The following ADGRD2 variants were observed in gnomAD, a reference collection of about 807,000 sequenced individuals.
ADGRD2 encodes adhesion G protein-coupled receptor D2, also known as G protein-coupled receptor PGR24.
ADGRD2 carries 71 observed loss-of-function variants against 44.4 expected under a neutral mutation model. That is an observed-to-expected ratio of 1.60 (90% CI 1.32 to 1.95). ADGRD2 has a LOEUF of 1.95. Ranked by LOEUF, ADGRD2 falls within the 30% of genes most tolerant of loss-of-function variation. The probability of loss-of-function intolerance (pLI) is 0.00; values close to 1 mark genes in which losing one functional copy is unlikely to be tolerated. For synonymous variants in ADGRD2, 481 were observed against 224.8 expected, an observed-to-expected ratio of 2.14 and a Z score of -10.19; for missense variants, 1,039 against 512.4, an observed-to-expected ratio of 2.03 and a Z score of -9.92.
At position 124,460,704 on chromosome 9, in the gene ADGRD2, C is replaced by T. The variant is rs567643044; in HGVS notation, c.1870+1983C>T. Among the ~76,000 whole-genome samples, 3 of 152,000 alleles carry T rather than the reference C, an allele frequency of 2.0e-5. No individual in the cohort carries two copies. In the East Asian group the frequency reaches 5.8e-4, roughly 29 times the overall value. On this transcript the variant is annotated intron_variant, in intron 10 of 21. Coordinates refer to ENST00000334810, the Ensembl canonical transcript of ADGRD2. ...TACCATGATTTGTTTTTCCATTTAC[C>T]TGCTGACAGAGATTTGACTTGTTTT...
At chr9:124,459,266 C>T (rs1014979976) in intron 10 of ADGRD2, among the ~76,000 whole-genome samples, 6 of 152,088 alleles carry the variant, frequency 3.9e-5, no homozygotes, top group Non-Finnish European at 8.8e-5. Context: ...CCGAGGCGGG[C>T]GGATCACTTG....
rs991640073 is a variant in ADGRD2, at chr9:124,458,553, T to C, written c.1765-63T>C. 4.3e-6 allele frequency: 3 copies of C among 698,282 alleles called. No homozygotes were observed. In the African/African-American group the frequency reaches 5.3e-5, roughly 12 times the overall value. 43.3% of individuals were successfully genotyped at this position (698,282 alleles called of 1,614,324 possible). A position where few individuals can be genotyped will look rare whatever the true frequency, so the allele number is the denominator to read the frequency against. On this transcript the variant is annotated intron_variant, in intron 9 of 21. Transcript: ENST00000334810. Reference sequence around the variant, plus strand: ...CTCCACCGTAGGGGCCTGGGTGACATGCCGCAGCCAGGCACCATCCCTCCT... The same window carrying C: ...CTCCACCGTAGGGGCCTGGGTGACACGCCGCAGCCAGGCACCATCCCTCCT...
At chr9:124,463,752 C>T (rs1400481319) in intron 10 of ADGRD2, among the ~76,000 whole-genome samples, 1 of 152,182 alleles carries the variant, frequency 6.6e-6, no homozygotes, top group East Asian at 1.9e-4. Context: ...TTCCTTTTCA[C>T]ATCTGTAGAC....
chr9:124,452,017 C>CCCCAGAGGG, upstream of ADGRD2: 2 of 563,666 alleles, frequency 3.5e-6, no homozygotes, highest in Non-Finnish European at 3.4e-6. Flanking sequence ...CACCCACCCC[C>CCCCAGAGGG]AGAGTAGGCA....
intron 6 of ADGRD2, 68 bp downstream of exon 9, chr9:124,455,195 G>A: frequency 1.6e-6 from 1 of 614,228 alleles, no homozygotes; most frequent in Non-Finnish European, 3.0e-6. Flanking sequence ...CCAGCTGGTT[G>A]TGTAGCTGTG....
intron 6 of ADGRD2, 109 bp from the exon 10 acceptor site, chr9:124,456,513 G>A: frequency 1.5e-6 from 1 of 668,148 alleles, no homozygotes; most frequent in Admixed American, 2.1e-5. Context: ...GGAGGGTCTG[G>A]AGAGGGCAGG....
chr9:124,466,437 T>C (rs757809892), intron 11 of ADGRD2, 24 bp downstream of exon 14: 1 of 648,774 alleles, frequency 1.5e-6, no homozygotes, highest in South Asian at 1.7e-5. Context: ...GGGAGGGGGG[T>C]GTCAGGAGGG....
chr9:124,472,454 TTGTTTTTTGTTTGTTTTTTGTTTTTG>T (rs1156736621), intron 17 of ADGRD2, among the ~76,000 whole-genome samples: 4 of 21,412 alleles, frequency 1.9e-4, no homozygotes, highest in African/African-American at 1.2e-3. Context: ...GTTTGTTTGT[TTGTTTTTTGTTTGTTTTTTGTTTTTG>T]TTTTGTTTTT....
rs543894044 is a variant in ADGRD2 at position 124,455,011 on chromosome 9, G to A, written c.1279G>A (p.Gly427Arg). Residue 427 changes from glycine to arginine, a missense_variant, in exon 6 of 22, where the codon GGG becomes AGG. Gly to Arg is a moderately radical substitution (Grantham distance 125, BLOSUM62 -2). Transcript: ENST00000334810. ...GAAGAGGGTGGTGGCCCTCGGGGCT[G>A]GGGACCCAGAGCTGTTGTTGACAGG... The A allele has an allele frequency of 5.4e-5, 39 of 718,308 alleles. No homozygotes were observed. In the African/African-American group the frequency reaches 6.1e-4, roughly 11 times the overall value. The allele number at this position is 718,308 out of a possible 1,614,324, so 44.5% of individuals were successfully genotyped here. A position where few individuals can be genotyped will look rare whatever the true frequency, so the allele number is the denominator to read the frequency against.
At chr9:124,468,361 A>G (rs1831873121) in intron 13 of ADGRD2, among the ~76,000 whole-genome samples, 158 bp from the exon 17 acceptor site, 1 of 152,196 alleles carries the variant, frequency 6.6e-6, no homozygotes. Flanking sequence ...CTGGGAGGAA[A>G]GGCCCCGAAT....
chr9:124,476,079 C>G (rs1588611086), intron 19 of ADGRD2, among the ~76,000 whole-genome samples: 1 of 152,106 alleles, frequency 6.6e-6, no homozygotes, highest in East Asian at 1.9e-4. Flanking sequence ...TTGGGGGACT[C>G]CTGCAGATGG....
intron 7 of ADGRD2, 82 bp from the exon 11 acceptor site, chr9:124,457,390 G>A (rs1831638610): frequency 4.1e-6 from 2 of 482,796 alleles, no homozygotes; most frequent in Non-Finnish European, 7.4e-6. Flanking sequence ...CAGGAAGGAG[G>A]GATCCAGACC....
intron 10 of ADGRD2, among the ~76,000 whole-genome samples, chr9:124,460,723 T>C (rs1043353257): frequency 1.3e-5 from 2 of 152,152 alleles, no homozygotes; most frequent in African/African-American, 4.8e-5. Context: ...GAGATTTGAC[T>C]TGTTTTCAGT....
In ADGRD2 at chr9:124,457,665, C is replaced by G. The variant is rs950508560; in HGVS notation, c.1640+59C>G. 26 of 551,352 alleles carry G rather than the reference C, an allele frequency of 4.7e-5. No individual in the cohort carries two copies. The Admixed American group carries it at 7.1e-4, about 15-fold the overall frequency. 34.2% of individuals were successfully genotyped at this position (551,352 alleles called of 1,614,324 possible). ...TTGGGTTCTGGGTCAAACCTCAGCTCTAACTGTCGCTAGCTGTGCTACTCA... is the reference window on the plus strand; with the variant it reads ...TTGGGTTCTGGGTCAAACCTCAGCTGTAACTGTCGCTAGCTGTGCTACTCA... On this transcript the variant is annotated intron_variant, in intron 8 of 21. Transcript: ENST00000334810.
At chr9:124,468,748 C>T (rs2131252527) in intron 14 of ADGRD2, 76 bp downstream of exon 17, 1 of 654,144 alleles carries the variant, frequency 1.5e-6, no homozygotes, top group Admixed American at 2.2e-5. Context: ...TCTAACATGG[C>T]CCCACACCCA....
chr9:124,456,612 G>A lies in ADGRD2; in HGVS notation c.1394-10G>A, dbSNP rs1018490232. ...GTGTGACAGAGAGCTGAGATGCAGC[G>A]TCCTCCCAGGTGATTGGTGGGCCTA... On this transcript the variant is annotated splice_polypyrimidine_tract_variant and intron_variant, in intron 6 of 21. Transcript: ENST00000334810. The A allele has an allele frequency of 2.8e-5, 20 of 717,992 alleles. No individual in the cohort carries two copies. Among genetic ancestry groups the A allele is most frequent in the South Asian group, 5.9e-5 (4 of 67,604 alleles). The allele number at this position is 717,992 out of a possible 1,614,324, so 44.5% of individuals were successfully genotyped here. A position where few individuals can be genotyped will look rare whatever the true frequency, so the allele number is the denominator to read the frequency against.
At chr9:124,465,774 A>C (rs1831809584) in intron 10 of ADGRD2, 1 of 152,344 alleles carries the variant, frequency 6.6e-6, no homozygotes, top group South Asian at 2.1e-4. Flanking sequence ...CCCAGCTCTA[A>C]GACAAGCTGC....
At chr9:124,456,781 C>T (rs1334311932) in intron 7 of ADGRD2, 48 bp downstream of exon 10, 6 of 702,820 alleles carry the variant, frequency 8.5e-6, no homozygotes, top group African/African-American at 3.5e-5. Context: ...GACCTCCCTC[C>T]TCAGCCCTGG....
chr9:124,451,324 G>A (rs541374306), upstream of ADGRD2: 6 of 429,318 alleles, frequency 1.4e-5, no homozygotes, highest in African/African-American at 4.0e-5. Context: ...GCTCTGTTTC[G>A]CCCCTCTCTG....
Sources: gnomAD v4.1 joint callset for allele counts (sites outside exome capture counted in the v4.1 genomes callset) on GRCh38, gnomAD v4.1.1 for gene constraint, MANE v1.5 for transcripts, NCBI Gene and HGNC (gene_info 2026-07-23, HGNC 2026-07-21) for gene names.